FAHD2B: variants seen among roughly 807,000 people sequenced by gnomAD.
The protein encoded by FAHD2B is oxaloacetate tautomerase FAHD2B, mitochondrial.
Under a neutral mutation model 33.7 loss-of-function variants are expected in FAHD2B, and 26 were observed. That is an observed-to-expected ratio of 0.77 (90% CI 0.57 to 1.07). FAHD2B has a LOEUF of 1.07. Among genes scored for constraint, FAHD2B ranks in the 50% least tolerant of loss-of-function variants. The pLI is 0.00. For missense variants in FAHD2B, 272 were observed against 388.1 expected (o/e 0.70, Z 2.51); for synonymous variants, 108 against 150.9 (o/e 0.72, Z 2.08).
chr2:97,092,626 G>A (rs2032416338), intron 1 of FAHD2B, among the ~76,000 whole-genome samples: 1 of 152,122 alleles, frequency 6.6e-6, no homozygotes, highest in South Asian at 2.1e-4. Flanking sequence ...CTTAATGCTT[G>A]TTAACTTCAG....
intron 3 of FAHD2B, among the ~76,000 whole-genome samples, 169 bp downstream of exon 3, chr2:97,091,293 G>A (rs1194088923): frequency 7.1e-6 from 1 of 139,864 alleles, no homozygotes; most frequent in African/African-American, 2.7e-5. Context: ...AACTGAAGAT[G>A]TTATTATGTA....
downstream of FAHD2B, among the ~76,000 whole-genome samples, chr2:97,078,928 T>G (rs1312778405): frequency 2.0e-4 from 30 of 152,094 alleles, no homozygotes; most frequent in Non-Finnish European, 3.8e-4. Context: ...CTCCATCCTC[T>G]GGTAGGCCCC....
chr2:97,079,660 TC>T (rs202167896), downstream of FAHD2B, among the ~76,000 whole-genome samples: 3 of 150,916 alleles, frequency 2.0e-5, no homozygotes, highest in Non-Finnish European at 3.0e-5. Flanking sequence ...TTTTATTTTT[TC>T]TTTTCTTTTC....
At chr2:97,089,032 T>C (rs2032170853) in intron 4 of FAHD2B, among the ~76,000 whole-genome samples, 1 of 152,078 alleles carries the variant, frequency 6.6e-6, no homozygotes, top group Admixed American at 6.6e-5. Context: ...TTTCAGCTTT[T>C]CTATAATTCC....
At chr2:97,091,760 T>C in intron 2 of FAHD2B, 48 bp from the exon 3 acceptor site, 2 of 1,571,626 alleles carry the variant, frequency 1.3e-6, no homozygotes. Flanking sequence ...CTCAGAGCCA[T>C]CATCAGCATC....
intron 4 of FAHD2B, among the ~76,000 whole-genome samples, chr2:97,088,336 G>A (rs1288923418): frequency 6.6e-6 from 1 of 152,074 alleles, no homozygotes; most frequent in Non-Finnish European, 1.5e-5. Context: ...AATGTGCTAT[G>A]GGAGGGACCC....
At chr2:97,084,838 A>C (rs1312528908) in intron 6 of FAHD2B, among the ~76,000 whole-genome samples, 2 of 148,218 alleles carry the variant, frequency 1.3e-5, no homozygotes, top group Admixed American at 6.9e-5. Flanking sequence ...GCTTGAACCC[A>C]GGAGGTTGAG....
downstream of FAHD2B, among the ~76,000 whole-genome samples, chr2:97,081,810 G>A (rs1445404328): frequency 2.7e-5 from 4 of 148,370 alleles, 1 homozygote; most frequent in African/African-American, 7.9e-5. Flanking sequence ...CAGGGCTACT[G>A]CCCTTGAGGG....
chr2:97,091,802 C>T, intron 2 of FAHD2B, 61 bp downstream of exon 2: 1 of 1,513,328 alleles, frequency 6.6e-7, no homozygotes, highest in Non-Finnish European at 8.9e-7. Context: ...GCCCAAGGCC[C>T]TTTGCCCCAT....
At chr2:97,086,314 C>A in intron 4 of FAHD2B, 116 bp from the exon 5 acceptor site, 1 of 1,439,602 alleles carries the variant, frequency 6.9e-7, no homozygotes, top group South Asian at 1.3e-5. Context: ...CCCACGTTTG[C>A]CATCACCCTG....
At chr2:97,092,842 G>A (rs1232706665) in intron 1 of FAHD2B, among the ~76,000 whole-genome samples, 8 of 151,420 alleles carry the variant, frequency 5.3e-5, no homozygotes, top group African/African-American at 9.7e-5. Context: ...GACTGGTGGC[G>A]GGCACCTGTA....
chr2:97,090,713 G>A (rs1194102441), intron 3 of FAHD2B, among the ~76,000 whole-genome samples: 1 of 151,916 alleles, frequency 6.6e-6, no homozygotes, highest in Non-Finnish European at 1.5e-5. Flanking sequence ...AAAAACAACT[G>A]ACTTTGGAGA....
chr2:97,093,720 A>G (rs544520452), intron 1 of FAHD2B, among the ~76,000 whole-genome samples: 4 of 152,056 alleles, frequency 2.6e-5, no homozygotes, highest in South Asian at 2.1e-4. Flanking sequence ...TGATCCGCCC[A>G]CCTCGGCCTC....
chr2:97,086,200 T>C lies in FAHD2B; in HGVS notation c.463-2A>G, dbSNP rs2031977397. ...CAGCTCCACTTCCCAATCTACCTCC[T>C]GTAGGGTGGGAGAGGAATAGTGAGC... On this transcript the variant is annotated splice_acceptor_variant, in intron 4 of 8. Coordinates refer to ENST00000414820, the MANE Select transcript of FAHD2B (RefSeq NM_001320848.2). LOFTEE classifies it high-confidence loss of function. 6.2e-7 allele frequency: 1 copy of C among 1,611,150 alleles called. No individual in the cohort carries two copies.
chr2:97,089,903 T>C, intron 4 of FAHD2B: 1 of 613,638 alleles, frequency 1.6e-6, no homozygotes, highest in South Asian at 2.0e-5. Flanking sequence ...TTATCTACAG[T>C]GAAGGTGTAT....
At chr2:97,090,797 A>G (rs1232479541) in intron 3 of FAHD2B, among the ~76,000 whole-genome samples, 2 of 150,912 alleles carry the variant, frequency 1.3e-5, no homozygotes, top group Non-Finnish European at 3.0e-5. Flanking sequence ...TTACTGCTCT[A>G]TAGAGATATA....
chr2:97,086,032 C>T lies in FAHD2B; in HGVS notation c.522+107G>A. 2.3e-6 allele frequency: 3 copies of T among 1,309,474 alleles called. No homozygotes were observed. The Admixed American group carries it at 6.0e-5, about 26-fold the overall frequency. 81.1% of individuals were successfully genotyped at this position (1,309,474 alleles called of 1,614,324 possible). ...AAGGAGGCTGACTGCTTCCTAGTGT[C>T]AGGGACAGCTGGTGCCGTGTGTCGG... On this transcript the variant is annotated intron_variant, in intron 5 of 8. Transcript: ENST00000414820.
At chr2:97,080,801 T>G (rs1164057295), downstream of FAHD2B, among the ~76,000 whole-genome samples, 1 of 152,054 alleles carries the variant, frequency 6.6e-6, no homozygotes, top group Non-Finnish European at 1.5e-5. Context: ...GTCCTTCACT[T>G]CCCTTGTTAC....
downstream of FAHD2B, chr2:97,083,229 A>G: frequency 6.2e-7 from 1 of 1,609,026 alleles, no homozygotes; most frequent in Non-Finnish European, 8.5e-7. Flanking sequence ...AAAAACTAGA[A>G]CAGTTCATCC....
Sources: allele counts gnomAD v4.1 joint callset (sites outside exome capture counted in the v4.1 genomes callset), GRCh38; gene constraint gnomAD v4.1.1; transcripts MANE v1.5; gene names NCBI Gene and HGNC (gene_info 2026-07-23, HGNC 2026-07-21).